ALMS1: variants seen among roughly 807,000 people sequenced by gnomAD.
ALMS1 encodes ALMS1 centrosome and basal body associated protein.
Under a neutral mutation model 352.2 loss-of-function variants are expected in ALMS1, and 271 were observed. The ratio of observed to expected loss-of-function variants is 0.77; its 90% CI spans 0.70 to 0.85. ALMS1 has a LOEUF of 0.85. Among genes scored for constraint, ALMS1 ranks in the 40% least tolerant of loss-of-function variants. The pLI, the probability that ALMS1 is intolerant of heterozygous loss-of-function variation, is 0.00. For synonymous variants in ALMS1, 1,865 were observed against 1,761.2 expected (o/e 1.06, Z -1.48); for missense variants, 5,445 against 4,870.7 (o/e 1.12, Z -3.51).
intron 1 of ALMS1, among the ~76,000 whole-genome samples, chr2:73,400,890 G>A (rs1670860568): frequency 6.6e-6 from 1 of 152,012 alleles, no homozygotes; most frequent in African/African-American, 2.4e-5. Flanking sequence ...GGGTTCAAGC[G>A]ATTCTTGTGC....
chr2:73,439,538 A>T (rs115465466), intron 7 of ALMS1, among the ~76,000 whole-genome samples: 2,482 of 152,118 alleles, frequency 0.016, 67 homozygotes, highest in African/African-American at 0.057. Context: ...TCTGTATTTT[A>T]GTTTGTTTGT....
chr2:73,393,316 A>G (rs896152431), intron 1 of ALMS1, among the ~76,000 whole-genome samples: 1 of 151,532 alleles, frequency 6.6e-6, no homozygotes, highest in Admixed American at 6.6e-5. Context: ...TCTTTGATCC[A>G]TTTTGAGTTA....
intron 12 of ALMS1, among the ~76,000 whole-genome samples, chr2:73,541,514 A>G (rs949138908): frequency 2.0e-5 from 3 of 151,924 alleles, no homozygotes; most frequent in Admixed American, 1.3e-4. Context: ...GCAAGAAATA[A>G]CTAAGAGCAG....
At chr2:73,494,439 G>A (rs1215427056) in intron 10 of ALMS1, among the ~76,000 whole-genome samples, 2 of 152,188 alleles carry the variant, frequency 1.3e-5, no homozygotes, top group African/African-American at 2.4e-5. Context: ...TATTATTGGT[G>A]TAAAACTATA....
rs1249085669 is a variant in ALMS1 at position 73,566,773 on chromosome 2, T to C, written c.10385-5489T>C. 2.6e-5 allele frequency among the ~76,000 whole-genome samples: 4 copies of C among 152,228 alleles called. No individual in the cohort carries two copies. In the East Asian group the frequency reaches 7.7e-4, roughly 29 times the overall value. ...ACCAATTGCATGGCTTGGCCTCCTA[T>C]ACTTCTGACCAACTAGCTCCAAATT... is the stretch of plus-strand genomic sequence containing the variant. On this transcript the variant is annotated intron_variant, in intron 15 of 22. Coordinates refer to ENST00000613296, the MANE Select transcript of ALMS1 (RefSeq NM_001378454.1).
chr2:73,608,120 T>A (rs1675853664), intron 21 of ALMS1, among the ~76,000 whole-genome samples: 1 of 152,220 alleles, frequency 6.6e-6, no homozygotes, highest in African/African-American at 2.4e-5. Context: ...CCAAACACAA[T>A]AGTAACGCTG....
chr2:73,552,252 AAATC>A (rs1362491963), intron 13 of ALMS1, among the ~76,000 whole-genome samples: 1 of 152,210 alleles, frequency 6.6e-6, no homozygotes, highest in Non-Finnish European at 1.5e-5. Context: ...GTCTTTTTAT[AAATC>A]CCTTTTGAAA....
At position 73,385,926 on chromosome 2, in the gene ALMS1, G is replaced by GAGC. The variant is rs1553396137; in HGVS notation, c.60_61insCAG (p.Glu20_Glu21insGln). On this transcript the variant is annotated inframe_insertion, in exon 1 of 23. Coordinates refer to ENST00000613296, the MANE Select transcript of ALMS1 (RefSeq NM_001378454.1). ...GCTGGAGGAGGAGGAGGAGGAGGAG[G>GAGC]AGGAGGAGGAGGAGGAAGAGGAGGA... 1 of 1,019,186 alleles carries GAGC rather than the reference G, an allele frequency of 9.8e-7. No individual in the cohort carries two copies. Among genetic ancestry groups the GAGC allele is most frequent in the African/African-American group, 1.6e-5 (1 of 62,742 alleles). The allele number at this position is 1,019,186 out of a possible 1,614,324, so 63.1% of individuals were successfully genotyped here.
intron 9 of ALMS1, among the ~76,000 whole-genome samples, chr2:73,474,131 C>A (rs1026373810): frequency 1.3e-5 from 2 of 151,158 alleles, no homozygotes; most frequent in African/African-American, 4.9e-5. Context: ...ATGAAGTCAG[C>A]TTTAACAGAT....
intron 1 of ALMS1, among the ~76,000 whole-genome samples, chr2:73,387,106 G>A (rs565655639): frequency 1.3e-5 from 2 of 152,344 alleles, no homozygotes; most frequent in African/African-American, 4.8e-5. Context: ...GCAGATAATG[G>A]AACAGTTCCA....
intron 10 of ALMS1, among the ~76,000 whole-genome samples, chr2:73,506,590 T>G (rs1673331933): frequency 6.6e-6 from 1 of 152,180 alleles, no homozygotes; most frequent in African/African-American, 2.4e-5. Flanking sequence ...TCTCTATTAT[T>G]GGTGTATAAG....
intron 14 of ALMS1, among the ~76,000 whole-genome samples, chr2:73,558,438 C>T (rs910021311): frequency 6.6e-6 from 1 of 152,136 alleles, no homozygotes; most frequent in East Asian, 1.9e-4. Context: ...TAATCAAAAA[C>T]TTTAGTGTTT....
Position 73,572,934 on chromosome 2 carries a change from A to G in ALMS1, c.11057A>G (p.His3686Arg), listed in dbSNP as rs912853018. ...CGGTTTAAAAGCCTAGAGAAAAGCC[A>G]TAAAAATACAGGCGAGCTTAAAAAA... is the stretch of plus-strand genomic sequence containing the variant. ...KKRFKSLEKS[H>R]KNTGELKKSK... Residue 3686 changes from histidine to arginine, a missense_variant, in exon 16 of 23, where the codon CAT becomes CGT. By Grantham distance (29) the His-to-Arg change is conservative. Coordinates refer to ENST00000613296, the MANE Select transcript of ALMS1 (RefSeq NM_001378454.1). The G allele has an allele frequency of 1.3e-5, 21 of 1,614,064 alleles. No homozygotes were observed. Among genetic ancestry groups the G allele is most frequent in the South Asian group, 3.3e-5 (3 of 91,088 alleles).
At chr2:73,492,723 A>G (rs1329688167) in intron 10 of ALMS1, among the ~76,000 whole-genome samples, 1 of 152,226 alleles carries the variant, frequency 6.6e-6, no homozygotes, top group South Asian at 2.1e-4. Flanking sequence ...GTAGAGTGCC[A>G]TAGAGATCAG....
intron 16 of ALMS1, among the ~76,000 whole-genome samples, chr2:73,596,204 T>C (rs1336141649): frequency 1.3e-5 from 2 of 152,234 alleles, no homozygotes; most frequent in African/African-American, 4.8e-5. Flanking sequence ...GTCATAGAGA[T>C]ATTCTCCTAT....
chr2:73,562,777 C>T (rs374112989), intron 15 of ALMS1, among the ~76,000 whole-genome samples: 1 of 152,032 alleles, frequency 6.6e-6, no homozygotes, highest in South Asian at 2.1e-4. Flanking sequence ...ATCCCAGCTA[C>T]TCAGAAGGCT....
rs575876404 is a variant in ALMS1, at chr2:73,600,089, G to A, written c.11668+568G>A. Among the ~76,000 whole-genome samples, 44 of 152,274 alleles carry A rather than the reference G, an allele frequency of 2.9e-4. 1 individual carries two copies. In the Middle Eastern group the frequency reaches 0.01, roughly 35 times the overall value. On this transcript the variant is annotated intron_variant, in intron 17 of 22. Transcript: ENST00000613296. The stretch of plus-strand genomic sequence containing the variant: ...ATTTTAAGAAAAGGTACAGAACAGT[G>A]TATAGCATACTACAATATGAATTTT...
intron 7 of ALMS1, among the ~76,000 whole-genome samples, chr2:73,445,005 A>G (rs1671779538): frequency 6.7e-6 from 1 of 148,372 alleles, no homozygotes; most frequent in Admixed American, 6.9e-5. Flanking sequence ...CATTTAAAAT[A>G]TCACTGGTGT....
At chr2:73,388,218 A>G (rs1670577340) in intron 1 of ALMS1, among the ~76,000 whole-genome samples, 1 of 152,214 alleles carries the variant, frequency 6.6e-6, no homozygotes, top group South Asian at 2.1e-4. Flanking sequence ...TTGCTTGAAT[A>G]ACTATTAATA....
Sources: allele counts gnomAD v4.1 joint callset (sites outside exome capture counted in the v4.1 genomes callset), GRCh38; gene constraint gnomAD v4.1.1; transcripts MANE v1.5; gene names NCBI Gene and HGNC (gene_info 2026-07-23, HGNC 2026-07-21).